CC2D1A: variants seen among roughly 807,000 people sequenced by gnomAD.
CC2D1A encodes coiled-coil and C2 domain containing 1A, also known as coiled-coil and C2 domain-containing protein 1A.
Under a neutral mutation model 123.8 loss-of-function variants are expected in CC2D1A, and 68 were observed. The observed-to-expected ratio is 0.55, with a 90% CI of 0.45 to 0.67. CC2D1A has a LOEUF of 0.67. Among genes scored for constraint, CC2D1A ranks in the 30% least tolerant of loss-of-function variants. The pLI is 0.00. For missense variants in CC2D1A, 1,185 were observed against 1,290.3 expected (o/e 0.92, Z 1.25); for synonymous variants, 477 against 528.0 (o/e 0.90, Z 1.32).
chr19:13,915,942 G>T (rs949615011), intron 6 of CC2D1A, among the ~76,000 whole-genome samples: 5 of 152,014 alleles, frequency 3.3e-5, no homozygotes, highest in East Asian at 1.9e-4. Context: ...TTTTGCTCTT[G>T]GTGTACCAAA....
chr19:13,909,383 A>G (rs1426812685), intron 1 of CC2D1A, among the ~76,000 whole-genome samples: 1 of 151,998 alleles, frequency 6.6e-6, no homozygotes, highest in Admixed American at 6.6e-5. Context: ...GTCAAAAAAA[A>G]ACAAAAAACA....
chr19:13,918,552 C>G lies in CC2D1A; in HGVS notation c.922C>G (p.Leu308Val), dbSNP rs964409389. ...CCTGAGCCGGGGTGAGCCCGTGGAC[C>G]TCTCCTGCCTGCCCCCTCCACCCGG... ...EALSRGEPVD[L>V]SCLPPPPDQL... The change falls in exon 8 of 29, where the codon CTC becomes GTC. Residue 308 changes from leucine (L) to valine (V), a missense_variant. Transcript: ENST00000318003. The G allele has an allele frequency of 3.7e-6, 6 of 1,613,676 alleles. No individual in the cohort carries two copies. Among genetic ancestry groups the G allele is most frequent in the Admixed American group, 1.7e-5 (1 of 59,978 alleles).
rs372403900 is a variant in CC2D1A at position 13,918,817 on chromosome 19, G to C, written c.1018G>C (p.Glu340Gln). Reference protein sequence around the residue: ...PTPATAPSTTEVPPPPRTLLE... With the variant: ...PTPATAPSTTQVPPPPRTLLE... ...CCCCGCTACGGCGCCCTCCACAACA[G>C]GTAGGTTCTGGGACCCTCTGGGGTT... Residue 340 changes from glutamate (E) to glutamine (Q), a missense_variant and splice_region_variant, in exon 9 of 29, where the codon GAG becomes CAG. Transcript: ENST00000318003. 6.2e-7 allele frequency: 1 copy of C among 1,613,560 alleles called. No homozygotes were observed. The highest frequency in any genetic ancestry group is 8.5e-7 in the Non-Finnish European group (1 of 1,179,772).
rs1232427997 is a variant in CC2D1A, at chr19:13,928,179, CAG to C, written c.2511_2512del (p.Gly838GlufsTer9). ...CCTGTGCCTGCCCCTGCAAGGGAGTCAGGGAACAGGTAGGTATCTGGGCCAGG... is the reference window on the plus strand; with the variant it reads ...CCTGTGCCTGCCCCTGCAAGGGAGTCGGAACAGGTAGGTATCTGGGCCAGG... On this transcript the variant is annotated frameshift_variant, in exon 24 of 29. Transcript: ENST00000318003. LOFTEE classifies it high-confidence loss of function. The C allele has an allele frequency of 7.4e-6, 12 of 1,613,248 alleles. No individual in the cohort carries two copies. The highest frequency in any genetic ancestry group is 1.3e-5 in the African/African-American group (1 of 74,892).
Position 13,923,262 on chromosome 19 carries a change from G to A in CC2D1A, c.1642-71G>A, listed in dbSNP as rs1971470481. ...GGAATGCCCCTCGTCAAGGAAGAAT[G>A]ACATTTCTGCAGAGCCCTAGGTGGG... On this transcript the variant is annotated intron_variant, in intron 14 of 28. Transcript: ENST00000318003. This position sits in a 1 kb window ranked among gnomAD's most constrained non-coding sequence, Gnocchi z 5.3. The A allele has an allele frequency of 6.6e-7, 1 of 1,507,124 alleles. No homozygotes were observed. Among genetic ancestry groups the A allele is most frequent in the Non-Finnish European group, 8.8e-7 (1 of 1,133,072 alleles). The allele number at this position is 1,507,124 out of a possible 1,614,324, so 93.4% of individuals were successfully genotyped here.
In CC2D1A at chr19:13,919,017, C is replaced by G; in HGVS notation, c.1124C>G (p.Ala375Gly). The change falls in exon 10 of 29, where the codon GCT (alanine) becomes GGT (glycine). Residue 375 changes from alanine (A) to glycine (G), a missense_variant. Physicochemically the swap from Ala to Gly is moderately conservative, Grantham distance 60 (BLOSUM62 0). Transcript: ENST00000318003. ...QAKSKGDQRKARMHERIVKQY... is the reference protein window; with the variant it reads ...QAKSKGDQRKGRMHERIVKQY... ...AAGAGCAAGGGGGACCAGCGGAAAG[C>G]TCGAATGCACGAGCGCATCGTCAAG... 1 of 1,608,050 alleles carries G rather than the reference C, an allele frequency of 6.2e-7. No homozygotes were observed. The highest frequency in any genetic ancestry group is 8.5e-7 in the Non-Finnish European group (1 of 1,177,118).
At chr19:13,909,670 TG>T in intron 1 of CC2D1A, 152 bp from the exon 2 acceptor site, 1 of 977,580 alleles carries the variant, frequency 1.0e-6, no homozygotes, top group Non-Finnish European at 1.6e-6. Context: ...ACACCTGTTC[TG>T]GGCTTGTTCC....
chr19:13,915,484 G>C lies in CC2D1A; in HGVS notation c.748+1846G>C, dbSNP rs573428899. 6.6e-5 allele frequency among the ~76,000 whole-genome samples: 10 copies of C among 152,240 alleles called. No individual in the cohort carries two copies. In the East Asian group the frequency reaches 1.9e-3, roughly 29 times the overall value. On this transcript the variant is annotated intron_variant, in intron 6 of 28. Transcript: ENST00000318003. ...GGCTGGTCTCGAACTCCTGACCTCA[G>C]GTGATCCGCCTGCTCCGCCTCCCAA...
chr19:13,908,439 C>A (rs1970871636), intron 1 of CC2D1A, among the ~76,000 whole-genome samples: 1 of 151,902 alleles, frequency 6.6e-6, no homozygotes, highest in Non-Finnish European at 1.5e-5. Context: ...AGCCACTGCA[C>A]CTGGCCCTGT....
In CC2D1A at chr19:13,906,791, C is replaced by A. The variant is rs1970766560; in HGVS notation, c.60+290C>A. 6.6e-6 allele frequency among the ~76,000 whole-genome samples: 1 copy of A among 152,228 alleles called. No homozygotes were observed. The highest frequency in any genetic ancestry group is 2.4e-5 in the African/African-American group (1 of 41,458). On this transcript the variant is annotated intron_variant, in intron 1 of 28. Transcript: ENST00000318003. This position sits in a 1 kb window ranked among gnomAD's most constrained non-coding sequence, Gnocchi z 4.1. ...CATCAAACCCTTGCATCAGTCGGGC[C>A]ATGTCAGACTCTTTTTATTCCATTG...
chr19:13,907,161 C>T (rs1056254257), intron 1 of CC2D1A, among the ~76,000 whole-genome samples: 3 of 152,146 alleles, frequency 2.0e-5, no homozygotes, highest in African/African-American at 7.2e-5. Flanking sequence ...AATCCCAGCA[C>T]TTCAGGAGAT....
chr19:13,920,343 C>G (rs1214727043), intron 12 of CC2D1A: 1 of 565,896 alleles, frequency 1.8e-6, no homozygotes, highest in Admixed American at 3.6e-5. Flanking sequence ...CTACTGCACT[C>G]CAGCCTGGAC....
rs1443847890 is a variant in CC2D1A, at chr19:13,929,374, C to T, written c.2520-5C>T. 6.2e-7 allele frequency: 1 copy of T among 1,613,542 alleles called. No homozygotes were observed. The highest frequency in any genetic ancestry group is 8.5e-7 in the Non-Finnish European group (1 of 1,179,942). On this transcript the variant is annotated splice_region_variant and splice_polypyrimidine_tract_variant and intron_variant, in intron 24 of 28. Coordinates refer to ENST00000318003, the MANE Select transcript of CC2D1A (RefSeq NM_017721.5). Reference sequence around the variant, plus strand: ...GCAGTCCCTTATCCTTCCTCCACCCCTTAGATCAGCCCGGCCCCTGCATAG... The same window carrying T: ...GCAGTCCCTTATCCTTCCTCCACCCTTTAGATCAGCCCGGCCCCTGCATAG...
chr19:13,913,084 G>A (rs2145309530), intron 4 of CC2D1A, 84 bp from the exon 5 acceptor site: 2 of 1,398,136 alleles, frequency 1.4e-6, no homozygotes, highest in Non-Finnish European at 1.9e-6. Context: ...GGGATGACAT[G>A]GGGCCGACTG....
At position 13,919,447 on chromosome 19, in the gene CC2D1A, T is replaced by C. The variant is rs144015384; in HGVS notation, c.1222+245T>C. On this transcript the variant is annotated intron_variant, in intron 11 of 28. Coordinates refer to ENST00000318003, the MANE Select transcript of CC2D1A (RefSeq NM_017721.5). ...ACATGATGTGTCTGCACTGTAGAAA[T>C]TGGCAAACCGGCTGGACGAGGTGGT... 1.9e-3 allele frequency among the ~76,000 whole-genome samples: 296 copies of C among 152,248 alleles called. 2 individuals carry two copies. Among genetic ancestry groups the C allele is most frequent in the African/African-American group, 6.8e-3 (283 of 41,558 alleles).
rs1401178955 is a variant in CC2D1A at position 13,927,901 on chromosome 19, T to C, written c.2325T>C (p.Asp775=). 2.5e-6 allele frequency: 4 copies of C among 1,613,278 alleles called. No individual in the cohort carries two copies. Among genetic ancestry groups the C allele is most frequent in the Non-Finnish European group, 3.4e-6 (4 of 1,179,948 alleles). ...CEVREILEVL[D]GRRPTGGRLE... ...TCCTTACCCCCACCCAGGTCCTGGA[T>C]GGTCGCCGGCCCACAGGGGGGCGAC... The change falls in exon 23 of 29, where the codon GAT becomes GAC. Residue 775 remains aspartate, a synonymous_variant. Coordinates refer to ENST00000318003, the MANE Select transcript of CC2D1A (RefSeq NM_017721.5).
chr19:13,924,616 C>T (rs2145355328), intron 17 of CC2D1A, among the ~76,000 whole-genome samples: 1 of 152,106 alleles, frequency 6.6e-6, no homozygotes, highest in East Asian at 1.9e-4. Context: ...ACTACAGGTG[C>T]CCACCACCAT....
Position 13,926,816 on chromosome 19 carries a change from C to A in CC2D1A, c.2074-5C>A. ...CTAGATTTCCTGCCTCCTCTCTGGT[C>A]ATAGGAAGAAGCTCAGAAAGACAAG... On this transcript the variant is annotated splice_polypyrimidine_tract_variant and splice_region_variant and intron_variant, in intron 19 of 28. Coordinates refer to ENST00000318003, the MANE Select transcript of CC2D1A (RefSeq NM_017721.5). The A allele has an allele frequency of 6.2e-7, 1 of 1,614,036 alleles. No individual in the cohort carries two copies. Among genetic ancestry groups the A allele is most frequent in the South Asian group, 1.1e-5 (1 of 91,072 alleles).
Position 13,928,207 on chromosome 19 carries a change from G to A in CC2D1A, c.2519+19G>A, listed in dbSNP as rs751429310. ...GGAACAGGTAGGTATCTGGGCCAGG[G>A]CATGCTGGAGAAAACACCCAATTCC... is the stretch of plus-strand genomic sequence containing the variant. On this transcript the variant is annotated intron_variant, in intron 24 of 28. Transcript: ENST00000318003. 2.5e-6 allele frequency: 4 copies of A among 1,608,988 alleles called. No homozygotes were observed. The South Asian group carries it at 3.3e-5, about 13-fold the overall frequency.
Sources: gnomAD v4.1 joint callset for allele counts (sites outside exome capture counted in the v4.1 genomes callset) on GRCh38, gnomAD v4.1.1 for gene constraint, Gnocchi (gnomAD v3.1) non-coding constraint, MANE v1.5 for transcripts, NCBI Gene and HGNC (gene_info 2026-07-23, HGNC 2026-07-21) for gene names.